Variants in CRTAC1 observed in about 807,000 individuals in gnomAD.
CRTAC1 encodes the protein acidic secreted protein in cartilage.
A neutral mutation model predicts 67.8 loss-of-function variants in CRTAC1; 37 were observed. The observed-to-expected ratio is 0.55, with a 90% CI of 0.42 to 0.72. CRTAC1 has a LOEUF of 0.72. Ranked by LOEUF, CRTAC1 falls within the 30% of genes least tolerant of loss-of-function variation. The probability of loss-of-function intolerance (pLI) is 0.00; values close to 1 mark genes in which losing one functional copy is unlikely to be tolerated. For synonymous variants in CRTAC1, 348 were observed against 371.0 expected (o/e 0.94, Z 0.71); for missense variants, 780 against 931.6 (o/e 0.84, Z 2.12).
chr10:97,895,348 A>G lies in CRTAC1; in HGVS notation c.1383T>C (p.Ala461=). 6.2e-7 allele frequency: 1 copy of G among 1,611,914 alleles called. No individual in the cohort carries two copies. The highest frequency in any genetic ancestry group is 1.1e-5 in the South Asian group (1 of 90,872). ...RTRFGAFARG[A]KVVLYTKKSG... ...TCTTCTTGGTGTAGAGCACGACCTTAGCTCCCCTGGCAAAGGCCCCAAACC... is the reference window on the plus strand; with the variant it reads ...TCTTCTTGGTGTAGAGCACGACCTTGGCTCCCCTGGCAAAGGCCCCAAACC... The change falls in exon 11 of 15, where the codon GCT becomes GCC. Residue 461 remains alanine (A), a synonymous_variant. Transcript: ENST00000370597. The surrounding 1 kb of genome is among the most constrained non-coding windows in gnomAD (Gnocchi z 4.2).
chr10:98,016,379 C>T (rs958014629), intron 1 of CRTAC1, among the ~76,000 whole-genome samples: 3 of 152,188 alleles, frequency 2.0e-5, no homozygotes, highest in African/African-American at 7.2e-5. Flanking sequence ...ACAGAAACTG[C>T]TTGCAATTTG....
intron 2 of CRTAC1, among the ~76,000 whole-genome samples, chr10:97,986,939 A>G (rs1157608296): frequency 1.3e-5 from 2 of 152,218 alleles, no homozygotes; most frequent in Non-Finnish European, 2.9e-5. Flanking sequence ...GTAAAGGGCA[A>G]AGCACAGAGT....
At chr10:98,005,033 A>ATT (rs1340211547) in intron 2 of CRTAC1, among the ~76,000 whole-genome samples, 1 of 123,062 alleles carries the variant, frequency 8.1e-6, no homozygotes. Flanking sequence ...AGGTTGTGTG[A>ATT]TTTTTTTTTT....
At chr10:97,982,615 T>C (rs1203484888) in intron 2 of CRTAC1, among the ~76,000 whole-genome samples, 1 of 152,086 alleles carries the variant, frequency 6.6e-6, no homozygotes, top group African/African-American at 2.4e-5. Context: ...CCATCATCAA[T>C]CTCTAGCGGT....
At position 97,895,512 on chromosome 10, in the gene CRTAC1, G is replaced by C. The variant is rs1004770689; in HGVS notation, c.1318-99C>G. The C allele has an allele frequency of 1.8e-6, 2 of 1,099,678 alleles. No homozygotes were observed. The highest frequency in any genetic ancestry group is 2.6e-6 in the Non-Finnish European group (2 of 771,316). 68.1% of individuals were successfully genotyped at this position (1,099,678 alleles called of 1,614,324 possible). ...GACGGGAGGGGGAGAGGGAGAAGAA[G>C]GAGGAAGAGAAGAAAGCAGGCAGAG... On this transcript the variant is annotated intron_variant, in intron 10 of 14. Coordinates refer to ENST00000370597, the MANE Select transcript of CRTAC1 (RefSeq NM_018058.7). The surrounding 1 kb of genome is among the most constrained non-coding windows in gnomAD (Gnocchi z 4.2).
intron 2 of CRTAC1, among the ~76,000 whole-genome samples, chr10:97,978,347 G>T (rs1241787515): frequency 1.3e-5 from 2 of 152,186 alleles, no homozygotes; most frequent in Admixed American, 6.5e-5. Flanking sequence ...CACCTTGGTA[G>T]CGTTCCTTTA....
At chr10:97,983,835 G>A (rs567063202) in intron 2 of CRTAC1, among the ~76,000 whole-genome samples, 1 of 152,218 alleles carries the variant, frequency 6.6e-6, no homozygotes, top group Admixed American at 6.5e-5. Context: ...TTCCATCTGG[G>A]GCCTGCAGTG....
At chr10:97,914,083 G>A (rs1564891533) in intron 5 of CRTAC1, among the ~76,000 whole-genome samples, 1 of 152,228 alleles carries the variant, frequency 6.6e-6, no homozygotes, top group Non-Finnish European at 1.5e-5. Context: ...TGCCTCAAAG[G>A]GTGAGGCCAA....
At chr10:97,868,801 G>C (rs985095529) in intron 14 of CRTAC1, 6 of 152,092 alleles carry the variant, frequency 3.9e-5, no homozygotes, top group African/African-American at 1.4e-4. Context: ...ACCAAATCTG[G>C]GTGCTTATCT....
rs568204565 is a variant in CRTAC1 at position 98,015,482 on chromosome 10, A to T, written c.25-4145T>A. ...ATAACATCACTAAAGTATATACTTA[A>T]ATATGGTTAAAATTGCAAATTTTAT... On this transcript the variant is annotated intron_variant, in intron 1 of 14. Transcript: ENST00000370597. 3.9e-4 allele frequency among the ~76,000 whole-genome samples: 59 copies of T among 152,312 alleles called. 1 individual carries two copies. The highest frequency in any genetic ancestry group is 1.4e-3 in the African/African-American group (59 of 41,564).
chr10:97,878,772 G>A, intron 14 of CRTAC1: 1 of 1,206,986 alleles, frequency 8.3e-7, no homozygotes, highest in Non-Finnish European at 1.1e-6. Context: ...GGCCCTTAGG[G>A]ATATACCAGC....
At chr10:98,016,152 C>T (rs1216295638) in intron 1 of CRTAC1, among the ~76,000 whole-genome samples, 2 of 152,148 alleles carry the variant, frequency 1.3e-5, no homozygotes, top group East Asian at 3.9e-4. Flanking sequence ...AGGGTTGATG[C>T]TGCAGAGAGG....
At chr10:97,964,339 G>C (rs991373141) in intron 2 of CRTAC1, among the ~76,000 whole-genome samples, 1 of 152,224 alleles carries the variant, frequency 6.6e-6, no homozygotes, top group African/African-American at 2.4e-5. Context: ...GCACAGTAAT[G>C]TTTGAGGACC....
rs887319500 is a variant in CRTAC1, at chr10:97,975,413, G to A, written c.224+35725C>T. ...CACAGAGATGCTGGCTGCATGGGGC[G>A]TGGAGGGGCGGGATGGGGAGCCGGC... On this transcript the variant is annotated intron_variant, in intron 2 of 14. Coordinates refer to ENST00000370597, the MANE Select transcript of CRTAC1 (RefSeq NM_018058.7). The surrounding 1 kb of genome is among the most constrained non-coding windows in gnomAD (Gnocchi z 4.8). Among the ~76,000 whole-genome samples the A allele has an allele frequency of 7.2e-5, 11 of 152,060 alleles. No homozygotes were observed. Among genetic ancestry groups the A allele is most frequent in the Non-Finnish European group, 1.5e-4 (10 of 67,998 alleles).
chr10:97,918,594 C>A (rs1177808971), intron 4 of CRTAC1, among the ~76,000 whole-genome samples: 1 of 152,180 alleles, frequency 6.6e-6, no homozygotes, highest in Non-Finnish European at 1.5e-5. Context: ...AAGTCCCTGA[C>A]CGTAGGTTGC....
rs148041445 is a variant in CRTAC1 at position 97,896,991 on chromosome 10, G to A, written c.1134C>T (p.Arg378=). 3 of 1,554,662 alleles carry A rather than the reference G, an allele frequency of 1.9e-6. No individual in the cohort carries two copies. The highest frequency in any genetic ancestry group is 2.4e-5 in the East Asian group (1 of 41,502). ...GGTCTCCGTGCTCTCTACGGATGAC[G>A]CTGCAGGAGAGGAGACAGGCTTGCT... The part of the protein sequence containing the change: ...YRSSSANRLF[R]VIRREHGDPL... The change falls in exon 9 of 15, where the codon CGC becomes CGT. Residue 378 remains arginine (R), a splice_region_variant and synonymous_variant. Coordinates refer to ENST00000370597, the MANE Select transcript of CRTAC1 (RefSeq NM_018058.7).
intron 1 of CRTAC1, among the ~76,000 whole-genome samples, chr10:98,025,771 A>C (rs1045166322): frequency 6.6e-6 from 1 of 152,068 alleles, no homozygotes; most frequent in Non-Finnish European, 1.5e-5. Flanking sequence ...ATTTGTCAGC[A>C]CTCTTAAATC....
intron 4 of CRTAC1, among the ~76,000 whole-genome samples, chr10:97,920,393 T>C (rs1264048285): frequency 6.6e-6 from 1 of 151,906 alleles, no homozygotes; most frequent in African/African-American, 2.4e-5. Context: ...TCTGGGAGGG[T>C]GAGATGATTC....
intron 2 of CRTAC1, among the ~76,000 whole-genome samples, chr10:97,982,263 A>G (rs1275020703): frequency 6.6e-6 from 1 of 152,260 alleles, no homozygotes; most frequent in Non-Finnish European, 1.5e-5. Context: ...CTAGGCAGGA[A>G]TCTTTGATAA....
Sources: allele counts gnomAD v4.1 joint callset (sites outside exome capture counted in the v4.1 genomes callset), GRCh38; gene constraint gnomAD v4.1.1; non-coding constraint Gnocchi (gnomAD v3.1); transcripts MANE v1.5; gene names NCBI Gene and HGNC (gene_info 2026-07-23, HGNC 2026-07-21).